Variants in ITGA9 observed in about 807,000 individuals in gnomAD.
ITGA9 encodes integrin subunit alpha 9.
Under a neutral mutation model 127.8 loss-of-function variants are expected in ITGA9, and 56 were observed. That is an observed-to-expected ratio of 0.44 (90% CI 0.35 to 0.55). ITGA9 has a LOEUF of 0.55. Ranked by LOEUF, ITGA9 falls within the 20% of genes least tolerant of loss-of-function variation. The pLI, the probability that ITGA9 is intolerant of heterozygous loss-of-function variation, is 0.00. For synonymous variants in ITGA9, 508 were observed against 514.5 expected (o/e 0.99, Z 0.17); for missense variants, 1,196 against 1,347.1 (o/e 0.89, Z 1.76).
intron 15 of ITGA9, among the ~76,000 whole-genome samples, chr3:37,587,183 A>G (rs562352717): frequency 2.6e-5 from 4 of 152,356 alleles, no homozygotes; most frequent in South Asian, 4.1e-4. Flanking sequence ...ACCAATAATT[A>G]TTATATTAAA....
At chr3:37,793,389 A>AACACACATACAC (rs1270642484) in intron 26 of ITGA9, among the ~76,000 whole-genome samples, 23 of 134,458 alleles carry the variant, frequency 1.7e-4, no homozygotes, top group African/African-American at 6.0e-4. Context: ...CAAACAGGTC[A>AACACACATACAC]ACACACACAC....
At chr3:37,603,163 G>A (rs938736700) in intron 15 of ITGA9, among the ~76,000 whole-genome samples, 1 of 152,278 alleles carries the variant, frequency 6.6e-6, no homozygotes, top group Admixed American at 6.5e-5. Context: ...ATCGAATGGG[G>A]TTTAGTCACT....
chr3:37,574,983 T>C (rs1051236625), intron 15 of ITGA9, among the ~76,000 whole-genome samples: 1 of 152,174 alleles, frequency 6.6e-6, no homozygotes, highest in African/African-American at 2.4e-5. Flanking sequence ...CAGAGTATAT[T>C]TCCTTGGAGG....
intron 18 of ITGA9, among the ~76,000 whole-genome samples, chr3:37,721,927 A>G (rs150614411): frequency 3.9e-5 from 6 of 152,274 alleles, no homozygotes; most frequent in African/African-American, 9.6e-5. Flanking sequence ...CACAACTAAA[A>G]ATATTCTTAA....
intron 27 of ITGA9, chr3:37,818,637 A>G: frequency 5.7e-6 from 3 of 528,004 alleles, no homozygotes; most frequent in Non-Finnish European, 1.0e-5. Context: ...ACAGTCTGGA[A>G]AACACTACAC....
In ITGA9 at chr3:37,709,963, G is replaced by A. The variant is rs180688586; in HGVS notation, c.2068-22749G>A. On this transcript the variant is annotated intron_variant, in intron 18 of 27. Transcript: ENST00000264741. ...GCACTCCAGCCTGGGTGACAAGCGC[G>A]AAACTCTGTGAAACTTTCATTCTGA... 5.3e-5 allele frequency among the ~76,000 whole-genome samples: 8 copies of A among 152,306 alleles called. No individual in the cohort carries two copies. In the East Asian group the frequency reaches 5.8e-4, roughly 11 times the overall value.
chr3:37,462,661 G>C (rs1211132515), intron 1 of ITGA9, among the ~76,000 whole-genome samples: 1 of 152,140 alleles, frequency 6.6e-6, no homozygotes, highest in South Asian at 2.1e-4. Context: ...CCTGTCCAAG[G>C]TATCAGGTTT....
At chr3:37,791,981 A>G (rs959633779) in intron 26 of ITGA9, among the ~76,000 whole-genome samples, 1 of 152,190 alleles carries the variant, frequency 6.6e-6, no homozygotes, top group Admixed American at 6.5e-5. Flanking sequence ...CCATGTGACA[A>G]TAGAATCTTT....
chr3:37,745,210 C>T (rs116811287), intron 22 of ITGA9, among the ~76,000 whole-genome samples: 3,796 of 152,266 alleles, frequency 0.025, 75 homozygotes, highest in Non-Finnish European at 0.037. Flanking sequence ...CTCTGACAAA[C>T]AATGGTCTTC....
intron 15 of ITGA9, among the ~76,000 whole-genome samples, chr3:37,546,225 G>A (rs1699325214): frequency 6.6e-6 from 1 of 152,130 alleles, no homozygotes. Context: ...GGATTTCATT[G>A]TTTGTCAAAG....
chr3:37,786,837 G>A (rs531098867), intron 26 of ITGA9, among the ~76,000 whole-genome samples: 1 of 152,104 alleles, frequency 6.6e-6, no homozygotes. Context: ...CACTATTTTT[G>A]TTTGTTTGTT....
At position 37,651,756 on chromosome 3, in the gene ITGA9, C is replaced by T. The variant is rs571430162; in HGVS notation, c.1840-1958C>T. ...TTGTTGAAGGGTGAGAGGACATGTA[C>T]TAGGTGAACCAGCTGGAGGAATCTG... On this transcript the variant is annotated intron_variant, in intron 16 of 27. Transcript: ENST00000264741. 3.9e-5 allele frequency among the ~76,000 whole-genome samples: 6 copies of T among 152,126 alleles called. No individual in the cohort carries two copies. In the South Asian group the frequency reaches 1.2e-3, roughly 32 times the overall value.
At chr3:37,560,781 G>A (rs1320159713) in intron 15 of ITGA9, among the ~76,000 whole-genome samples, 1 of 152,076 alleles carries the variant, frequency 6.6e-6, no homozygotes, top group East Asian at 1.9e-4. Flanking sequence ...ACATATATCA[G>A]TTTGCTAGAG....
At chr3:37,760,036 A>G (rs1321130719) in intron 23 of ITGA9, among the ~76,000 whole-genome samples, 6 of 152,044 alleles carry the variant, frequency 3.9e-5, no homozygotes, top group Admixed American at 3.9e-4. Flanking sequence ...CCTGGCCAAC[A>G]TGGTGAAACC....
At chr3:37,586,778 C>T (rs1249581871) in intron 15 of ITGA9, among the ~76,000 whole-genome samples, 1 of 152,190 alleles carries the variant, frequency 6.6e-6, no homozygotes, top group East Asian at 1.9e-4. Context: ...CTGTGAGGCT[C>T]ACTGAGGAAA....
At chr3:37,810,148 G>A (rs1177476179) in intron 27 of ITGA9, among the ~76,000 whole-genome samples, 2 of 152,174 alleles carry the variant, frequency 1.3e-5, no homozygotes, top group African/African-American at 4.8e-5. Flanking sequence ...TGCTACCTAT[G>A]GTCATTTGCT....
chr3:37,510,164 GC>G (rs1194434924), intron 8 of ITGA9, among the ~76,000 whole-genome samples: 2 of 151,004 alleles, frequency 1.3e-5, no homozygotes, highest in African/African-American at 4.9e-5. Context: ...ACCATGCCCA[GC>G]AAATTTTTGT....
chr3:37,553,929 C>T (rs1308684873), intron 15 of ITGA9, among the ~76,000 whole-genome samples: 1 of 152,216 alleles, frequency 6.6e-6, no homozygotes, highest in East Asian at 1.9e-4. Context: ...ATTTCTCTCT[C>T]TTCTAGAGGA....
chr3:37,469,027 T>G (rs1698400676), intron 1 of ITGA9, among the ~76,000 whole-genome samples: 1 of 152,252 alleles, frequency 6.6e-6, no homozygotes, highest in Non-Finnish European at 1.5e-5. Context: ...GCTATAGATC[T>G]TCTGTTGACT....
Sources: allele counts gnomAD v4.1 joint callset (sites outside exome capture counted in the v4.1 genomes callset), GRCh38; gene constraint gnomAD v4.1.1; transcripts MANE v1.5; gene names NCBI Gene and HGNC (gene_info 2026-07-23, HGNC 2026-07-21).